The following PRKG1 variants were observed in gnomAD, a reference collection of about 807,000 sequenced individuals.
PRKG1 encodes the protein protein kinase cGMP-dependent 1.
In PRKG1, 35 loss-of-function variants were observed where a neutral mutation model predicts 88.1. The ratio of observed to expected loss-of-function variants is 0.40; its 90% CI spans 0.30 to 0.53. The LOEUF is 0.53. PRKG1 is among the 20% of genes least tolerant of loss of function. The pLI is 0.59. For synonymous variants in PRKG1, 303 were observed against 292.5 expected (o/e 1.04, Z -0.37); for missense variants, 540 against 839.8 (o/e 0.64, Z 4.41).
rs569225742 is a variant in PRKG1, at chr10:51,756,771, C to T, written c.593-47814C>T. Among the ~76,000 whole-genome samples the T allele has an allele frequency of 9.4e-4, 138 of 147,452 alleles. 2 individuals are homozygous for T. The highest frequency in any genetic ancestry group is 2.9e-3 in the African/African-American group (116 of 39,990). ...CAGAGCTTGCAGTGAGCTGAGATCGCGCCACTGCACTCCAGCCTGGGTGAC... is the reference window on the plus strand; with the variant it reads ...CAGAGCTTGCAGTGAGCTGAGATCGTGCCACTGCACTCCAGCCTGGGTGAC... On this transcript the variant is annotated intron_variant, in intron 3 of 17. Transcript: ENST00000373980.
chr10:51,073,635 C>T (rs968637775), upstream of PRKG1, among the ~76,000 whole-genome samples: 1 of 152,036 alleles, frequency 6.6e-6, no homozygotes, highest in African/African-American at 2.4e-5. Flanking sequence ...AACAGTTCCC[C>T]GATGAGAGTT....
At chr10:51,517,464 G>A (rs1223798790) in intron 3 of PRKG1, among the ~76,000 whole-genome samples, 1 of 152,228 alleles carries the variant, frequency 6.6e-6, no homozygotes, top group Non-Finnish European at 1.5e-5. Context: ...ACCTGGATCT[G>A]GGGATTGCGG....
chr10:51,514,271 C>T lies in PRKG1; in HGVS notation c.592+46435C>T, dbSNP rs984078709. 1.4e-4 allele frequency among the ~76,000 whole-genome samples: 22 copies of T among 152,124 alleles called. 1 individual carries two copies. Among genetic ancestry groups the T allele is most frequent in the Admixed American group, 1.2e-3 (19 of 15,272 alleles). On this transcript the variant is annotated intron_variant, in intron 3 of 17. Coordinates refer to ENST00000373980, the MANE Select transcript of PRKG1 (RefSeq NM_006258.4). ...GAAGAAATGGATACATTCCTCGACA[C>T]ATACACTCTAATTAATTTTTATTTC...
rs1842327129 is a variant in PRKG1, at chr10:52,293,885, G to T, written c.2046G>T (p.Trp682Cys). Residue 682 changes from tryptophan (W) to cysteine (C), a missense_variant, in exon 18 of 18, where the codon TGG (tryptophan) becomes TGT (cysteine). By Grantham distance (215) the Trp-to-Cys change is radical (BLOSUM62 -2). Coordinates refer to ENST00000373980, the MANE Select transcript of PRKG1 (RefSeq NM_006258.4). The stretch of plus-strand genomic sequence containing the variant: ...CACCACCTGATGACAACTCAGGATG[G>T]GATATAGACTTCTAATGTATTTCTC... ...DEPPPDDNSG[W>C]DIDF The T allele has an allele frequency of 6.2e-7, 1 of 1,610,128 alleles. No individual in the cohort carries two copies.
intron 3 of PRKG1, among the ~76,000 whole-genome samples, chr10:51,629,095 G>A (rs571728558): frequency 2.0e-5 from 3 of 152,168 alleles, no homozygotes; most frequent in African/African-American, 7.2e-5. Flanking sequence ...TTGAAAATAT[G>A]GGGTGTGGAG....
intron 7 of PRKG1, among the ~76,000 whole-genome samples, chr10:52,103,637 G>A (rs924488365): frequency 3.9e-5 from 6 of 152,084 alleles, no homozygotes; most frequent in African/African-American, 1.4e-4. Context: ...CAGTCTATTA[G>A]TAGTTAAATT....
At chr10:51,201,928 A>G (rs1166643072) in intron 2 of PRKG1, among the ~76,000 whole-genome samples, 3 of 152,226 alleles carry the variant, frequency 2.0e-5, no homozygotes, top group African/African-American at 4.8e-5. Context: ...ACAAGTTTCT[A>G]TTTGTAAGAA....
intron 2 of PRKG1, among the ~76,000 whole-genome samples, chr10:51,319,465 T>C (rs1343622963): frequency 6.6e-6 from 1 of 152,248 alleles, no homozygotes; most frequent in Non-Finnish European, 1.5e-5. Flanking sequence ...CCTTCCTTTC[T>C]GCTCTGTGGA....
At chr10:51,838,907 T>C (rs1840197391) in intron 4 of PRKG1, among the ~76,000 whole-genome samples, 1 of 152,196 alleles carries the variant, frequency 6.6e-6, no homozygotes, top group South Asian at 2.1e-4. Context: ...CTGGGACTTA[T>C]TACTGTATAA....
intron 3 of PRKG1, among the ~76,000 whole-genome samples, chr10:51,632,334 C>G (rs1270400244): frequency 6.6e-6 from 1 of 152,102 alleles, no homozygotes; most frequent in African/African-American, 2.4e-5. Context: ...GGGAAAAATG[C>G]TGTCATTCAA....
At chr10:52,166,789 A>ATATATATATATATATATATATT (rs1321857689) in intron 9 of PRKG1, among the ~76,000 whole-genome samples, 1 of 12,812 alleles carries the variant, frequency 7.8e-5, no homozygotes, top group Non-Finnish European at 3.7e-4. Context: ...AAAAAAGCCT[A>ATATATATATATATATATATATT]TATATATACA....
intron 4 of PRKG1, among the ~76,000 whole-genome samples, chr10:51,815,228 T>C (rs1839555232): frequency 2.6e-5 from 4 of 152,222 alleles, no homozygotes; most frequent in Admixed American, 2.6e-4. Context: ...TTATAAATCT[T>C]TCCTGTAGTA....
chr10:51,276,309 G>A (rs140788015), intron 2 of PRKG1, among the ~76,000 whole-genome samples: 10,796 of 152,136 alleles, frequency 0.071, 578 homozygotes, highest in Admixed American at 0.17. Context: ...CTTTTTTATG[G>A]CTGCATAGTA....
chr10:51,516,354 C>A (rs1245463223), intron 3 of PRKG1, among the ~76,000 whole-genome samples: 3 of 151,972 alleles, frequency 2.0e-5, no homozygotes, highest in South Asian at 4.2e-4. Context: ...CTCTACTGAA[C>A]CTGCAGTCTT....
chr10:51,324,543 C>T (rs1285954095), intron 2 of PRKG1, among the ~76,000 whole-genome samples: 2 of 141,030 alleles, frequency 1.4e-5, no homozygotes, highest in African/African-American at 5.3e-5. Context: ...CTGTCTAACA[C>T]GATGAAACCC....
intron 9 of PRKG1, among the ~76,000 whole-genome samples, chr10:52,221,269 C>A (rs1323879920): frequency 6.6e-6 from 1 of 152,036 alleles, no homozygotes; most frequent in African/African-American, 2.4e-5. Context: ...GAAGCCATAA[C>A]ATAATAAATG....
chr10:52,017,154 T>C (rs1845062206), intron 5 of PRKG1, among the ~76,000 whole-genome samples: 1 of 152,170 alleles, frequency 6.6e-6, no homozygotes, highest in Admixed American at 6.5e-5. Context: ...GAGATACAAA[T>C]TTTGAAGGTA....
chr10:51,273,661 C>T (rs1840040285), intron 2 of PRKG1, among the ~76,000 whole-genome samples: 1 of 152,246 alleles, frequency 6.6e-6, no homozygotes, highest in Admixed American at 6.5e-5. Context: ...GGACATCTCA[C>T]ATAAGAAGAC....
intron 7 of PRKG1, among the ~76,000 whole-genome samples, chr10:52,133,242 CT>C (rs1471068985): frequency 6.6e-6 from 1 of 152,054 alleles, no homozygotes; most frequent in African/African-American, 2.4e-5. Flanking sequence ...AAATTAAATG[CT>C]TCTAAAGAGA....
Sources: allele counts gnomAD v4.1 joint callset (sites outside exome capture counted in the v4.1 genomes callset), GRCh38; gene constraint gnomAD v4.1.1; transcripts MANE v1.5; gene names NCBI Gene and HGNC (gene_info 2026-07-23, HGNC 2026-07-21).